Variants in SHANK2 observed in about 807,000 individuals in gnomAD.
SHANK2 encodes the protein SH3 and multiple ankyrin repeat domains protein 2.
SHANK2 carries 43 observed loss-of-function variants against 133.7 expected under a neutral mutation model. The observed-to-expected ratio is 0.32, with a 90% CI of 0.25 to 0.41. SHANK2 has a LOEUF of 0.41. Ranked by LOEUF, SHANK2 falls within the 10% of genes least tolerant of loss-of-function variation. SHANK2 has a pLI of 1.00. For missense variants in SHANK2, 1,994 were observed against 2,235.8 expected (o/e 0.89, Z 2.18); for synonymous variants, 1,017 against 952.8 (o/e 1.07, Z -1.24).
intron 8 of SHANK2, among the ~76,000 whole-genome samples, chr11:71,085,836 TACAACA>T (rs1951391783): frequency 0.091 from 4 of 44 alleles, no homozygotes; most frequent in South Asian, 0.25. Context: ...AATAATATTA[TACAACA>T]ATAATATATA....
chr11:70,489,468 TACTGCCTAGTG>T (rs2058855911), intron 23 of SHANK2, 120 bp from the exon 24 acceptor site: 2 of 917,750 alleles, frequency 2.2e-6, no homozygotes, highest in African/African-American at 1.6e-5. Context: ...CACGGCCACT[TACTGCCTAGTG>T]ACTGCCTACA....
chr11:70,662,118 T>C (rs527742384), intron 15 of SHANK2: 2 of 385,794 alleles, frequency 5.2e-6, no homozygotes, highest in South Asian at 5.4e-5. Context: ...CACACGCATC[T>C]TCCAGGGAAG....
chr11:71,073,136 C>CTTTTCTTTTTTTTTTTTTT (rs1951164763), intron 9 of SHANK2, among the ~76,000 whole-genome samples: 5 of 72,336 alleles, frequency 6.9e-5, no homozygotes, highest in Non-Finnish European at 1.7e-4. Context: ...TGTTTTTTTT[C>CTTTTCTTTTTTTTTTTTTT]TTTTTCTTTT....
rs1031807519 is a variant in SHANK2 at position 70,717,898 on chromosome 11, G to A, written c.1778-19135C>T. On this transcript the variant is annotated intron_variant, in intron 14 of 25. Transcript: ENST00000601538. ...TCAGATGAAGAAGAAAGATGGCTCC[G>A]GGAATGTTTCATCCATGAGGAAGTT... Among the ~76,000 whole-genome samples, 6 of 152,238 alleles carry A rather than the reference G, an allele frequency of 3.9e-5. No homozygotes were observed. The South Asian group carries it at 1.0e-3, about 26-fold the overall frequency.
rs1953546898 is a variant in SHANK2 at position 71,181,114 on chromosome 11, A to C, written c.-12-33776T>G. ...AGATCCTTGAGTGCAACTGCTGACGAGGGGAGGTCTGGAGAAGCCGACCAG... is the reference window on the plus strand; with the variant it reads ...AGATCCTTGAGTGCAACTGCTGACGCGGGGAGGTCTGGAGAAGCCGACCAG... On this transcript the variant is annotated intron_variant, in intron 2 of 25. Transcript: ENST00000601538. Among the ~76,000 whole-genome samples, 4 of 152,124 alleles carry C rather than the reference A, an allele frequency of 2.6e-5. No individual in the cohort carries two copies. In the South Asian group the frequency reaches 8.3e-4, roughly 32 times the overall value.
At chr11:71,062,444 G>C (rs1034086205) in intron 9 of SHANK2, among the ~76,000 whole-genome samples, 78 of 152,276 alleles carry the variant, frequency 5.1e-4, no homozygotes, top group African/African-American at 1.8e-3. Context: ...GGCAGCAAGA[G>C]AGGAGGGACC....
In SHANK2 at chr11:70,479,099, G is replaced by GC. The variant is rs1192911028; in HGVS notation, c.4980-5661dup. ...TCCCATTCATCCTTGCCCAACGCCC[G>GC]CAAGTACCAGCCCCGATGGACGCAC... is the stretch of plus-strand genomic sequence containing the variant. On this transcript the variant is annotated intron_variant, in intron 25 of 25. Coordinates refer to ENST00000601538, the MANE Select transcript of SHANK2 (RefSeq NM_012309.5). The surrounding 1 kb of genome is among the most constrained non-coding windows in gnomAD (Gnocchi z 4.4). Among the ~76,000 whole-genome samples, 1 of 152,188 alleles carries GC rather than the reference G, an allele frequency of 6.6e-6. No individual in the cohort carries two copies. The highest frequency in any genetic ancestry group is 6.5e-5 in the Admixed American group (1 of 15,276).
At chr11:70,749,335 G>A (rs1555036974) in intron 14 of SHANK2, among the ~76,000 whole-genome samples, 1 of 152,216 alleles carries the variant, frequency 6.6e-6, no homozygotes, top group African/African-American at 2.4e-5. Context: ...ACAAAGGAGT[G>A]GAGCAAAAGC....
At chr11:71,249,617 G>A (rs1427623472) in intron 1 of SHANK2, among the ~76,000 whole-genome samples, 1 of 152,144 alleles carries the variant, frequency 6.6e-6, no homozygotes, top group Non-Finnish European at 1.5e-5. Flanking sequence ...CAGAGTAGGA[G>A]GCACAACCTC....
intron 17 of SHANK2, among the ~76,000 whole-genome samples, chr11:70,529,721 G>A (rs528015351): frequency 2.1e-4 from 32 of 151,906 alleles, no homozygotes; most frequent in African/African-American, 6.0e-4. Context: ...ACTGGTAACC[G>A]CTCACCTCCT....
At chr11:70,507,527 C>G (rs1026868510) in intron 17 of SHANK2, among the ~76,000 whole-genome samples, 29 of 152,172 alleles carry the variant, frequency 1.9e-4, no homozygotes, top group African/African-American at 7.0e-4. Context: ...CTGTGAGGGG[C>G]CTGCAACAGC....
intron 17 of SHANK2, chr11:70,647,589 A>G (rs1390473496): frequency 6.6e-6 from 1 of 152,148 alleles, no homozygotes; most frequent in Non-Finnish European, 1.5e-5. Context: ...ATGTGTGTGA[A>G]CTCTCTCAAA....
intron 11 of SHANK2, among the ~76,000 whole-genome samples, chr11:70,877,941 T>C (rs1219184927): frequency 6.6e-6 from 1 of 152,190 alleles, no homozygotes; most frequent in African/African-American, 2.4e-5. Flanking sequence ...GAAGCCATAT[T>C]GGTTGGGTGT....
At chr11:70,801,475 G>C (rs997517416) in intron 13 of SHANK2, among the ~76,000 whole-genome samples, 9 of 152,358 alleles carry the variant, frequency 5.9e-5, no homozygotes, top group East Asian at 1.9e-4. Context: ...AGAGGGGTTT[G>C]TGCCTTGAGT....
intron 1 of SHANK2, chr11:71,240,818 C>T (rs1555124310): frequency 1.3e-5 from 2 of 151,946 alleles, no homozygotes; most frequent in African/African-American, 4.8e-5. Flanking sequence ...TGTCTGTGGT[C>T]CCAACTCCTT....
chr11:70,917,207 C>G (rs1950283402), intron 10 of SHANK2, among the ~76,000 whole-genome samples: 1 of 152,128 alleles, frequency 6.6e-6, no homozygotes, highest in Non-Finnish European at 1.5e-5. Context: ...CAAAGGACAT[C>G]AGCAGACACT....
rs1436158453 is a variant in SHANK2 at position 70,830,971 on chromosome 11, G to A, written c.1175-10289C>T. 1.3e-5 allele frequency among the ~76,000 whole-genome samples: 2 copies of A among 152,244 alleles called. No individual in the cohort carries two copies. The highest frequency in any genetic ancestry group is 6.5e-5 in the Admixed American group (1 of 15,292). On this transcript the variant is annotated intron_variant, in intron 11 of 25. Coordinates refer to ENST00000601538, the MANE Select transcript of SHANK2 (RefSeq NM_012309.5). The surrounding 1 kb of genome is among the most constrained non-coding windows in gnomAD (Gnocchi z 4.4). ...GTTCCTATAGGGGTCCTGCGTGGAG[G>A]GCCTACAACGACCCTGGAGGCTTGT...
rs993180047 is a variant in SHANK2, at chr11:71,063,666, C to G, written c.1030-7108G>C. Among the ~76,000 whole-genome samples the G allele has an allele frequency of 1.6e-4, 24 of 152,326 alleles. No homozygotes were observed. In the East Asian group the frequency reaches 3.7e-3, roughly 23 times the overall value. ...TTTGGCTCCCTTGCGAGGCTGCTGG[C>G]TGCCCTGGATTCCTTTCAGAGGTGT... On this transcript the variant is annotated intron_variant, in intron 9 of 25. Coordinates refer to ENST00000601538, the MANE Select transcript of SHANK2 (RefSeq NM_012309.5).
chr11:70,774,694 C>A (rs1555043549), intron 14 of SHANK2, among the ~76,000 whole-genome samples: 1 of 152,000 alleles, frequency 6.6e-6, no homozygotes, highest in Admixed American at 6.6e-5. Context: ...GATGTTTGCA[C>A]AATCTCGTGA....
Sources: gnomAD v4.1 joint callset for allele counts (sites outside exome capture counted in the v4.1 genomes callset) on GRCh38, gnomAD v4.1.1 for gene constraint, Gnocchi (gnomAD v3.1) non-coding constraint, MANE v1.5 for transcripts, NCBI Gene and HGNC (gene_info 2026-07-23, HGNC 2026-07-21) for gene names.